KLHL1: variants seen among roughly 807,000 people sequenced by gnomAD.
The protein encoded by KLHL1 is kelch like family member 1, also known as kelch-like protein 1.
KLHL1 carries 47 observed loss-of-function variants against 77.7 expected under a neutral mutation model. That is an observed-to-expected ratio of 0.60 (90% CI 0.48 to 0.77). The LOEUF (loss-of-function observed/expected upper bound fraction) is 0.77, where lower values mean the gene tolerates loss of function less well. Ranked by LOEUF, KLHL1 falls within the 30% of genes least tolerant of loss-of-function variation. KLHL1 has a pLI of 0.00. For synonymous variants in KLHL1, 360 were observed against 325.2 expected, an observed-to-expected ratio of 1.11 and a Z score of -1.15; for missense variants, 925 against 910.8, an observed-to-expected ratio of 1.02 and a Z score of -0.20.
At position 69,961,443 on chromosome 13, in the gene KLHL1, G is replaced by A. The variant is rs1341078583; in HGVS notation, c.682C>T (p.Leu228Phe). 1 of 1,612,426 alleles carries A rather than the reference G, an allele frequency of 6.2e-7. No individual in the cohort carries two copies. Among genetic ancestry groups the A allele is most frequent in the African/African-American group, 1.3e-5 (1 of 74,832 alleles). Reference sequence around the variant, plus strand: ...TAGTCGGAGACTGAACTCAGAACAAGCCTGAAAGAGTCACAGGTTCTAATT... The same window carrying A: ...TAGTCGGAGACTGAACTCAGAACAAACCTGAAAGAGTCACAGGTTCTAATT... ...VGNRKIPAHRLVLSSVSDYFA... is the reference protein window; with the variant it reads ...VGNRKIPAHRFVLSSVSDYFA... The change falls in exon 3 of 11, where the codon CTT becomes TTT. Residue 228 changes from leucine (L) to phenylalanine (F), a missense_variant and splice_region_variant. Transcript: ENST00000377844.
At chr13:69,830,507 T>C (rs919540451) in intron 6 of KLHL1, among the ~76,000 whole-genome samples, 1 of 150,108 alleles carries the variant, frequency 6.7e-6, no homozygotes, top group African/African-American at 2.5e-5. Flanking sequence ...AGTAGGGAAC[T>C]TTAATACTCC....
At chr13:70,049,091 T>C (rs889932348) in intron 1 of KLHL1, among the ~76,000 whole-genome samples, 8 of 152,208 alleles carry the variant, frequency 5.3e-5, no homozygotes, top group African/African-American at 1.7e-4. Flanking sequence ...TAAATGGCAA[T>C]TTATAGTTTA....
intron 1 of KLHL1, among the ~76,000 whole-genome samples, chr13:70,000,438 A>G (rs1427151873): frequency 6.6e-6 from 1 of 152,022 alleles, no homozygotes; most frequent in Non-Finnish European, 1.5e-5. Flanking sequence ...AACAAGAAAA[A>G]AAGCGTATAT....
intron 1 of KLHL1, among the ~76,000 whole-genome samples, chr13:70,101,210 T>C (rs535001459): frequency 6.6e-6 from 1 of 152,146 alleles, no homozygotes; most frequent in South Asian, 2.1e-4. Flanking sequence ...ATAGAAAGGC[T>C]AATCATACAG....
At chr13:70,002,239 G>T (rs748727078) in intron 1 of KLHL1, among the ~76,000 whole-genome samples, 1 of 151,398 alleles carries the variant, frequency 6.6e-6, no homozygotes, top group Admixed American at 6.6e-5. Context: ...TTTAAATAAA[G>T]AAAAAGATTC....
At chr13:69,762,557 A>G (rs1177902034) in intron 7 of KLHL1, among the ~76,000 whole-genome samples, 1 of 151,186 alleles carries the variant, frequency 6.6e-6, no homozygotes, top group African/African-American at 2.4e-5. Flanking sequence ...CTGCAGGAAA[A>G]CTTTAAAACT....
At position 70,000,661 on chromosome 13, in the gene KLHL1, C is replaced by A. The variant is rs2119633; in HGVS notation, c.498-24859G>T. Among the ~76,000 whole-genome samples, 1,505 of 151,798 alleles carry A rather than the reference C, an allele frequency of 9.9e-3. 24 individuals carry two copies. Among genetic ancestry groups the A allele is most frequent in the African/African-American group, 0.034 (1,418 of 41,486 alleles). On this transcript the variant is annotated intron_variant, in intron 1 of 10. Transcript: ENST00000377844. Reference sequence around the variant, plus strand: ...AATATATAGCTAACATATTTGTCTACTAAGAAGTTCTAAAAATATAATTTA... The same window carrying A: ...AATATATAGCTAACATATTTGTCTAATAAGAAGTTCTAAAAATATAATTTA...
chr13:69,750,077 A>G (rs546146559), intron 7 of KLHL1, among the ~76,000 whole-genome samples: 27 of 151,606 alleles, frequency 1.8e-4, no homozygotes, highest in African/African-American at 6.3e-4. Context: ...AATTAATAAT[A>G]ATGTATTTAA....
chr13:69,940,138 T>G lies in KLHL1; in HGVS notation c.916A>C (p.Met306Leu). Residue 306 changes from methionine (M) to leucine (L), a missense_variant, in exon 4 of 11, where the codon ATG becomes CTG. Met to Leu is a conservative substitution (Grantham distance 15). Transcript: ENST00000377844. ...QVVEVCCHFL[M>L]KLLHPSNCLG... ...CAGTTAGATGGATGCAAAAGCTTCA[T>G]GAGGAAGTGGCAGCACACTTCCACC... 5 of 1,613,062 alleles carry G rather than the reference T, an allele frequency of 3.1e-6. No homozygotes were observed. Among genetic ancestry groups the G allele is most frequent in the Non-Finnish European group, 4.2e-6 (5 of 1,179,568 alleles).
Position 70,088,388 on chromosome 13 carries a change from T to TA in KLHL1, c.497+18814dup, listed in dbSNP as rs34060557. 1.5e-3 allele frequency among the ~76,000 whole-genome samples: 224 copies of TA among 150,972 alleles called. 2 individuals carry two copies. Among genetic ancestry groups the TA allele is most frequent in the South Asian group, 3.6e-3 (17 of 4,750 alleles). The stretch of plus-strand genomic sequence containing the variant: ...ATTTTATCCAAAATATATACAAATA[T>TA]AAAAAAAAAGGCCAGGTGTGGTGGC... On this transcript the variant is annotated intron_variant, in intron 1 of 10. Transcript: ENST00000377844.
intron 3 of KLHL1, among the ~76,000 whole-genome samples, chr13:69,958,165 T>A (rs1268301932): frequency 6.6e-6 from 1 of 151,742 alleles, no homozygotes; most frequent in African/African-American, 2.4e-5. Flanking sequence ...TTTTTTCTTT[T>A]AAGAAACTTC....
intron 8 of KLHL1, among the ~76,000 whole-genome samples, chr13:69,736,963 G>T (rs961215819): frequency 1.3e-5 from 2 of 152,098 alleles, no homozygotes; most frequent in African/African-American, 4.8e-5. Context: ...AATGGCAAGT[G>T]AATTCTGCAT....
chr13:69,871,093 G>A (rs571199546), intron 5 of KLHL1, among the ~76,000 whole-genome samples: 127 of 152,184 alleles, frequency 8.3e-4, no homozygotes, highest in African/African-American at 2.8e-3. Context: ...TGAAATCTAG[G>A]TGGAAGCTGC....
rs146293469 is a variant in KLHL1 at position 69,754,773 on chromosome 13, G to A, written c.1640-14217C>T. Among the ~76,000 whole-genome samples the A allele has an allele frequency of 1.5e-3, 230 of 152,080 alleles. 1 individual carries two copies. Among genetic ancestry groups the A allele is most frequent in the African/African-American group, 5.1e-3 (210 of 41,498 alleles). ...TTATCCTGGCCTTACACCATTGTTCGAGTCTTATTTTTGTTACATTTCTAA... is the reference window on the plus strand; with the variant it reads ...TTATCCTGGCCTTACACCATTGTTCAAGTCTTATTTTTGTTACATTTCTAA... On this transcript the variant is annotated intron_variant, in intron 7 of 10. Coordinates refer to ENST00000377844, the MANE Select transcript of KLHL1 (RefSeq NM_020866.3).
intron 1 of KLHL1, among the ~76,000 whole-genome samples, chr13:70,012,310 C>T (rs1412777234): frequency 1.3e-5 from 2 of 152,084 alleles, no homozygotes; most frequent in Non-Finnish European, 2.9e-5. Context: ...TATTTTCACC[C>T]TTTAATGTCT....
At chr13:69,762,002 C>T (rs552269789) in intron 7 of KLHL1, among the ~76,000 whole-genome samples, 11 of 152,224 alleles carry the variant, frequency 7.2e-5, no homozygotes, top group African/African-American at 1.9e-4. Context: ...ACCATTTGAT[C>T]GTTTAGACAG....
chr13:69,833,577 A>T (rs1204781318), intron 6 of KLHL1, among the ~76,000 whole-genome samples: 1 of 151,890 alleles, frequency 6.6e-6, no homozygotes, highest in Non-Finnish European at 1.5e-5. Context: ...AACTAGATCC[A>T]CCACTGTATC....
At chr13:69,931,317 C>T (rs1008016644) in intron 4 of KLHL1, among the ~76,000 whole-genome samples, 8 of 151,822 alleles carry the variant, frequency 5.3e-5, no homozygotes, top group Admixed American at 5.3e-4. Context: ...AAAGTGTTTG[C>T]TCTTCATTAT....
At chr13:70,103,979 T>C (rs1182576806) in intron 1 of KLHL1, among the ~76,000 whole-genome samples, 1 of 152,142 alleles carries the variant, frequency 6.6e-6, no homozygotes, top group Non-Finnish European at 1.5e-5. Context: ...ATAAAATGAC[T>C]GCACTCTGTA....
Sources: gnomAD v4.1 joint callset for allele counts (sites outside exome capture counted in the v4.1 genomes callset) on GRCh38, gnomAD v4.1.1 for gene constraint, MANE v1.5 for transcripts, NCBI Gene and HGNC (gene_info 2026-07-23, HGNC 2026-07-21) for gene names.